PPP6C: variants seen among roughly 807,000 people sequenced by gnomAD.
The protein encoded by PPP6C is protein phosphatase 6 catalytic subunit.
Under a neutral mutation model 39.8 loss-of-function variants are expected in PPP6C, and 11 were observed. The observed-to-expected ratio is 0.28, with a 90% confidence interval of 0.17 to 0.46. The LOEUF is 0.46. Ranked by LOEUF, PPP6C falls within the 20% of genes least tolerant of loss-of-function variation. The pLI, the probability that PPP6C is intolerant of heterozygous loss-of-function variation, is 1.00. For synonymous variants in PPP6C, 129 were observed against 130.3 expected, an observed-to-expected ratio of 0.99 and a Z score of 0.07; for missense variants, 211 against 373.9, an observed-to-expected ratio of 0.56 and a Z score of 3.59.
chr9:125,185,224 G>C (rs1213285568), intron 1 of PPP6C, among the ~76,000 whole-genome samples: 1 of 151,320 alleles, frequency 6.6e-6, no homozygotes, highest in Non-Finnish European at 1.5e-5. Flanking sequence ...TTACACTGTG[G>C]TCCATTTACT....
intron 1 of PPP6C, among the ~76,000 whole-genome samples, chr9:125,175,376 C>T (rs368954399): frequency 2.7e-4 from 41 of 152,056 alleles, no homozygotes; most frequent in African/African-American, 9.2e-4. Flanking sequence ...CGGTGGCTCA[C>T]GCCTGTAATC....
chr9:125,176,518 G>A (rs1317125838), intron 1 of PPP6C, among the ~76,000 whole-genome samples: 1 of 152,190 alleles, frequency 6.6e-6, no homozygotes. Context: ...CTAGCTGGGC[G>A]TGGTGGCATG....
intron 1 of PPP6C, among the ~76,000 whole-genome samples, chr9:125,182,842 G>A (rs894678444): frequency 1.3e-5 from 2 of 151,272 alleles, no homozygotes; most frequent in African/African-American, 2.4e-5. Context: ...TCTTTGGGGG[G>A]CAAAATTGCC....
intron 4 of PPP6C, among the ~76,000 whole-genome samples, chr9:125,155,675 G>A (rs1479765071): frequency 6.6e-6 from 1 of 152,040 alleles, no homozygotes; most frequent in Non-Finnish European, 1.5e-5. Context: ...AGGCCGAGGC[G>A]GGCGGATCAC....
At chr9:125,189,475 C>T (rs1829613691) in intron 1 of PPP6C, 169 bp downstream of exon 1, 8 of 1,444,590 alleles carry the variant, frequency 5.5e-6, no homozygotes, top group Non-Finnish European at 7.3e-6. Context: ...TTCGACGACT[C>T]GGCTCGCGAG....
chr9:125,172,111 A>G, intron 1 of PPP6C: 1 of 356,484 alleles, frequency 2.8e-6, no homozygotes, highest in South Asian at 2.2e-5. Flanking sequence ...CTGCCACACA[A>G]CAACCTGGAT....
intron 1 of PPP6C, chr9:125,188,904 T>C: frequency 6.5e-7 from 1 of 1,545,706 alleles, no homozygotes; most frequent in Non-Finnish European, 8.7e-7. Flanking sequence ...GACTCAGGAG[T>C]AACAAGGAAC....
At chr9:125,155,586 T>C (rs1836048743) in intron 4 of PPP6C, among the ~76,000 whole-genome samples, 1 of 152,178 alleles carries the variant, frequency 6.6e-6, no homozygotes, top group African/African-American at 2.4e-5. Context: ...AGTCCTATAA[T>C]AACTAAAATT....
chr9:125,154,667 T>G (rs1243380374), intron 4 of PPP6C, among the ~76,000 whole-genome samples: 1 of 152,158 alleles, frequency 6.6e-6, no homozygotes, highest in Non-Finnish European at 1.5e-5. Flanking sequence ...GCAGATAAAT[T>G]TATTTAAGGA....
At chr9:125,167,178 C>T (rs1370376291) in intron 2 of PPP6C, among the ~76,000 whole-genome samples, 5 of 151,158 alleles carry the variant, frequency 3.3e-5, no homozygotes, top group East Asian at 2.0e-4. Context: ...GCCAGGAGTT[C>T]GAGACCAGCC....
intron 1 of PPP6C, among the ~76,000 whole-genome samples, chr9:125,172,324 C>T (rs1437139366): frequency 6.6e-6 from 1 of 152,072 alleles, no homozygotes; most frequent in Non-Finnish European, 1.5e-5. Flanking sequence ...AAGTGATTCC[C>T]TTGCCTCAGT....
rs1381842776 is a variant in PPP6C at position 125,146,592 on chromosome 9, T to A, written c.*3081A>T. 1 of 152,182 alleles carries A rather than the reference T, an allele frequency of 6.6e-6. No homozygotes were observed. Among genetic ancestry groups the A allele is most frequent in the Non-Finnish European group, 1.5e-5 (1 of 68,034 alleles). The allele number at this position is 152,182 out of a possible 1,614,324, so 9.4% of individuals were successfully genotyped here. A position where few individuals can be genotyped will look rare whatever the true frequency, so the allele number is the denominator to read the frequency against. Reference sequence around the variant, plus strand: ...ACCAAGTGGAGGAATAAGCATTTTTTAATTTCTTATATAAAATGCTAACTT... The same window carrying A: ...ACCAAGTGGAGGAATAAGCATTTTTAAATTTCTTATATAAAATGCTAACTT... On this transcript the variant is annotated 3_prime_UTR_variant, in exon 7 of 7. Transcript: ENST00000373547.
intron 2 of PPP6C, among the ~76,000 whole-genome samples, chr9:125,161,743 T>G (rs1205042395): frequency 1.3e-5 from 2 of 152,204 alleles, no homozygotes; most frequent in Non-Finnish European, 2.9e-5. Flanking sequence ...GGATATTTCA[T>G]CATATTTCTA....
At chr9:125,182,859 TG>T (rs1829447231) in intron 1 of PPP6C, among the ~76,000 whole-genome samples, 1 of 151,612 alleles carries the variant, frequency 6.6e-6, no homozygotes, top group African/African-American at 2.4e-5. Flanking sequence ...TGCCCCCAGT[TG>T]AGAACGACTG....
chr9:125,183,811 T>C (rs1161409750), intron 1 of PPP6C, among the ~76,000 whole-genome samples: 1 of 152,210 alleles, frequency 6.6e-6, no homozygotes, highest in Non-Finnish European at 1.5e-5. Flanking sequence ...CTGCTTCTTC[T>C]GTTTGCCAAC....
At chr9:125,159,330 T>C (rs1828804764) in intron 3 of PPP6C, among the ~76,000 whole-genome samples, 1 of 151,586 alleles carries the variant, frequency 6.6e-6, no homozygotes, top group African/African-American at 2.4e-5. Context: ...ATTACAGGCG[T>C]GAGCCACTGC....
chr9:125,180,562 C>A (rs758246874), intron 1 of PPP6C, among the ~76,000 whole-genome samples: 47 of 152,050 alleles, frequency 3.1e-4, no homozygotes, highest in Non-Finnish European at 1.3e-4. Context: ...GCTGGGATTA[C>A]GGCACACGCC....
chr9:125,175,434 C>T (rs1285920313), intron 1 of PPP6C, among the ~76,000 whole-genome samples: 3 of 151,750 alleles, frequency 2.0e-5, no homozygotes, highest in East Asian at 1.9e-4. Context: ...GTCAGGAGAT[C>T]GAGACCATCC....
chr9:125,188,724 C>G (rs1829586893), intron 1 of PPP6C, among the ~76,000 whole-genome samples: 2 of 151,698 alleles, frequency 1.3e-5, no homozygotes, highest in Non-Finnish European at 2.9e-5. Flanking sequence ...GTGGAGGTTG[C>G]AGTGAGCCAA....
Sources: gnomAD v4.1 joint callset for allele counts (sites outside exome capture counted in the v4.1 genomes callset) on GRCh38, gnomAD v4.1.1 for gene constraint, MANE v1.5 for transcripts, NCBI Gene and HGNC (gene_info 2026-07-23, HGNC 2026-07-21) for gene names.